Variants in PI4KA observed in about 807,000 individuals in gnomAD.
PI4KA encodes PI4-kinase alpha.
PI4KA carries 122 observed loss-of-function variants against 271.4 expected under a neutral mutation model. That is an observed-to-expected ratio of 0.45 (90% CI 0.39 to 0.52). The LOEUF is 0.52. PI4KA is among the 20% of genes least tolerant of loss of function. The probability of loss-of-function intolerance (pLI) is 0.00; values close to 1 mark genes in which losing one functional copy is unlikely to be tolerated. For missense variants in PI4KA, 1,969 were observed against 2,769.1 expected (o/e 0.71, Z 6.48); for synonymous variants, 1,041 against 1,078.8 (o/e 0.96, Z 0.69).
At chr22:20,856,313 A>C (rs940125105) in intron 1 of PI4KA, among the ~76,000 whole-genome samples, 1 of 152,200 alleles carries the variant, frequency 6.6e-6, no homozygotes, top group Non-Finnish European at 1.5e-5. Context: ...CTCCCTCTCA[A>C]AAAAACCAAA....
At chr22:20,857,307 G>A (rs1387590398) in intron 1 of PI4KA, among the ~76,000 whole-genome samples, 1 of 152,158 alleles carries the variant, frequency 6.6e-6, no homozygotes, top group Non-Finnish European at 1.5e-5. Flanking sequence ...TCTTTAGCTA[G>A]AAGTCAGGTT....
chr22:20,799,242 C>T lies in PI4KA; in HGVS notation c.1855G>A (p.Ala619Thr), dbSNP rs1935155917. Reference protein sequence around the residue: ...AHLIPDHTIRALGHIAVALRD... With the variant: ...AHLIPDHTIRTLGHIAVALRD... Reference sequence around the variant, plus strand: ...AAGGCCACCGCAATGTGTCCCAAGGCTCGGATTGTGTGGTCGGGAATCAAG... The same window carrying T: ...AAGGCCACCGCAATGTGTCCCAAGGTTCGGATTGTGTGGTCGGGAATCAAG... Residue 619 changes from alanine (A) to threonine (T), a missense_variant, in exon 16 of 55, where the codon GCC (alanine) becomes ACC (threonine). Physicochemically the swap from Ala to Thr is moderately conservative, Grantham distance 58. Transcript: ENST00000255882. 6 of 1,542,154 alleles carry T rather than the reference C, an allele frequency of 3.9e-6. No homozygotes were observed. Among genetic ancestry groups the T allele is most frequent in the Non-Finnish European group, 5.2e-6 (6 of 1,146,050 alleles).
intron 18 of PI4KA, chr22:20,793,485 C>G: frequency 2.3e-6 from 1 of 430,168 alleles, no homozygotes; most frequent in Non-Finnish European, 4.2e-6. Flanking sequence ...CATGGTACTT[C>G]TGCATAATTA....
intron 23 of PI4KA, among the ~76,000 whole-genome samples, chr22:20,755,419 T>C (rs914536726): frequency 1.6e-4 from 24 of 152,276 alleles, no homozygotes; most frequent in African/African-American, 5.5e-4. Context: ...GGAGCCCTGG[T>C]TCCTTTTATT....
rs202132678 is a variant in PI4KA, at chr22:20,828,553, AT to A, written c.368-4140del. 7.3e-3 allele frequency among the ~76,000 whole-genome samples: 1,110 copies of A among 151,592 alleles called. 11 individuals are homozygous for A. Among genetic ancestry groups the A allele is most frequent in the African/African-American group, 0.025 (1,032 of 41,310 alleles). ...CTTCAATGCCTAGAGTTTGTTGTGG[AT>A]TTTTTTGGGGTTTTTTTTTGAGACA... On this transcript the variant is annotated intron_variant, in intron 3 of 54. Transcript: ENST00000255882.
intron 44 of PI4KA, among the ~76,000 whole-genome samples, chr22:20,718,112 C>G (rs1926247104): frequency 6.6e-6 from 1 of 152,178 alleles, no homozygotes; most frequent in Non-Finnish European, 1.5e-5. Flanking sequence ...TTAGAAGCTG[C>G]CAGCACTGCT....
chr22:20,824,779 C>CACAAAA, intron 3 of PI4KA, among the ~76,000 whole-genome samples: 1 of 124,478 alleles, frequency 8.0e-6, no homozygotes, highest in South Asian at 2.5e-4. Context: ...CACACACACA[C>CACAAAA]AAAACACTCG....
intron 44 of PI4KA, among the ~76,000 whole-genome samples, chr22:20,718,001 C>T (rs939616022): frequency 1.1e-4 from 16 of 152,136 alleles, no homozygotes; most frequent in African/African-American, 3.9e-4. Context: ...GGCTCTGCCC[C>T]TGCTGTGTGC....
At chr22:20,829,833 G>T (rs1923921646) in intron 3 of PI4KA, among the ~76,000 whole-genome samples, 1 of 152,148 alleles carries the variant, frequency 6.6e-6, no homozygotes, top group Admixed American at 6.5e-5. Flanking sequence ...GTGTCCCAGA[G>T]ATTCTGGTAT....
At chr22:20,716,184 G>C (rs1925982443) in intron 45 of PI4KA, among the ~76,000 whole-genome samples, 1 of 152,190 alleles carries the variant, frequency 6.6e-6, no homozygotes, top group Admixed American at 6.5e-5. Flanking sequence ...CCGAGTAGCT[G>C]GGACTACAGG....
Position 20,729,992 on chromosome 22 carries a change from G to A in PI4KA, c.4308C>T (p.Ser1436=), listed in dbSNP as rs1368991187. ...LVPPDNQDTR[S]NLDITVGSRQ... is the part of the protein sequence containing the mutation. ...GAGAGCCGACAGTTATGTCCAGGTT[G>A]CTCCGGGTGTCCTGATTATCTGAGG... Residue 1436 remains serine, a synonymous_variant, in exon 37 of 55, where the codon AGC becomes AGT. Coordinates refer to ENST00000255882, the MANE Select transcript of PI4KA (RefSeq NM_058004.4). 1 of 1,614,210 alleles carries A rather than the reference G, an allele frequency of 6.2e-7. No individual in the cohort carries two copies. Among genetic ancestry groups the A allele is most frequent in the Non-Finnish European group, 8.5e-7 (1 of 1,180,032 alleles).
At chr22:20,761,938 G>C (rs1259564430) in intron 22 of PI4KA, among the ~76,000 whole-genome samples, 2 of 152,066 alleles carry the variant, frequency 1.3e-5, no homozygotes, top group Admixed American at 6.5e-5. Context: ...AAAATTAAGA[G>C]GCCATTAACA....
At chr22:20,779,752 CTT>C in intron 19 of PI4KA, 5 of 1,614,240 alleles carry the variant, frequency 3.1e-6, no homozygotes, top group Non-Finnish European at 4.2e-6. Context: ...CAGGTCAACA[CTT>C]TCGATAACAT....
At chr22:20,784,187 C>T in intron 19 of PI4KA, 2 of 1,614,132 alleles carry the variant, frequency 1.2e-6, no homozygotes, top group Non-Finnish European at 1.7e-6. Flanking sequence ...GATGAAGACC[C>T]TCGAAGCGCA....
chr22:20,740,089 A>G (rs1399299798), intron 32 of PI4KA, among the ~76,000 whole-genome samples: 1 of 150,406 alleles, frequency 6.6e-6, no homozygotes, highest in Non-Finnish European at 1.5e-5. Flanking sequence ...AAAAAAAAGA[A>G]TTAACTAGAA....
rs1925748505 is a variant in PI4KA at position 20,714,666 on chromosome 22, C to A, written c.5352G>T (p.Val1784=). ...CYLPSNPEAI[V]LDIDYKSGTP... is the part of the protein sequence containing the mutation. ...TCCCAGACTTGTAGTCGATGTCCAG[C>A]ACAATGGCCTCAGGGTTGCTGGGCA... is the stretch of plus-strand genomic sequence containing the variant. Residue 1784 remains valine, a synonymous_variant, in exon 46 of 55, where the codon GTG becomes GTT. Transcript: ENST00000255882. 3.1e-6 allele frequency: 5 copies of A among 1,613,994 alleles called. No individual in the cohort carries two copies. The East Asian group carries it at 1.1e-4, about 36-fold the overall frequency.
rs752173158 is a variant in PI4KA, at chr22:20,727,855, G to A, written c.4692C>T (p.Asn1564=). Residue 1564 remains asparagine (N), a synonymous_variant, in exon 40 of 55, where the codon AAC becomes AAT. Coordinates refer to ENST00000255882, the MANE Select transcript of PI4KA (RefSeq NM_058004.4). ...LAVQLPARFK[N]TEAIGNEVTR... ...TCACTTCGTTCCCAATGGCTTCTGT[G>A]TTCTTAAACCTACAGTGCACAGAGG... 2 of 1,613,772 alleles carry A rather than the reference G, an allele frequency of 1.2e-6. No homozygotes were observed. The highest frequency in any genetic ancestry group is 1.7e-6 in the Non-Finnish European group (2 of 1,179,724).
intron 26 of PI4KA, 67 bp downstream of exon 26, chr22:20,751,607 G>A: frequency 7.6e-7 from 1 of 1,320,738 alleles, no homozygotes; most frequent in Non-Finnish European, 1.1e-6. Context: ...ACACAGGGCG[G>A]ACAGGGCCGG....
In PI4KA at chr22:20,759,047, TTTTG is replaced by T. The variant is rs201674572; in HGVS notation, c.2791+2253_2791+2256del. ...GTATCTCAGAGCCCCTGGGGCATTT[TTTTG>T]TTTGTTTGTTTTTTAAGAGACAGGG... On this transcript the variant is annotated intron_variant, in intron 23 of 54. Transcript: ENST00000255882. Among the ~76,000 whole-genome samples, 1,154 of 152,286 alleles carry T rather than the reference TTTTG, an allele frequency of 7.6e-3. 11 individuals are homozygous for T. The highest frequency in any genetic ancestry group is 0.055 in the East Asian group (284 of 5,182).
Sources: allele counts gnomAD v4.1 joint callset (sites outside exome capture counted in the v4.1 genomes callset), GRCh38; gene constraint gnomAD v4.1.1; transcripts MANE v1.5; gene names NCBI Gene and HGNC (gene_info 2026-07-23, HGNC 2026-07-21).